Variants in RPS6KC1 observed in about 807,000 individuals in gnomAD.
RPS6KC1 encodes ribosomal protein S6 kinase C1, also known as inactive ribosomal protein S6 kinase delta-1.
A neutral mutation model predicts 103.8 loss-of-function variants in RPS6KC1; 54 were observed. The ratio of observed to expected loss-of-function variants is 0.52; its 90% confidence interval spans 0.42 to 0.65. The LOEUF (loss-of-function observed/expected upper bound fraction) is 0.65, where lower values mean the gene tolerates loss of function less well. Ranked by LOEUF, RPS6KC1 falls within the 30% of genes least tolerant of loss-of-function variation. The pLI is 0.00. For synonymous variants in RPS6KC1, 439 were observed against 438.7 expected, an observed-to-expected ratio of 1.00 and a Z score of -0.01; for missense variants, 1,151 against 1,253.8, an observed-to-expected ratio of 0.92 and a Z score of 1.24.
chr1:213,361,095 G>A, the RPS6KC1 span, among the ~76,000 whole-genome samples: 1 of 152,198 alleles, frequency 6.6e-6, no homozygotes, highest in Admixed American at 6.5e-5. Flanking sequence ...TGTCAGACAG[G>A]GACATTTAAG....
intron 3 of RPS6KC1, among the ~76,000 whole-genome samples, chr1:213,082,446 A>G (rs920649406): frequency 7.3e-6 from 1 of 136,604 alleles, no homozygotes; most frequent in African/African-American, 2.5e-5. Flanking sequence ...AATAAATAAT[A>G]AAAAAAAGTA....
At chr1:213,639,265 G>T in the RPS6KC1 span, among the ~76,000 whole-genome samples, 1 of 152,012 alleles carries the variant, frequency 6.6e-6, no homozygotes, top group African/African-American at 2.4e-5. Context: ...TTCTATGCAG[G>T]TGATCATGTC....
chr1:213,568,372 C>T, the RPS6KC1 span, among the ~76,000 whole-genome samples: 2 of 152,142 alleles, frequency 1.3e-5, no homozygotes, highest in Non-Finnish European at 2.9e-5. Flanking sequence ...CCTCTGGTTT[C>T]CAGATTTCCC....
chr1:213,128,310 G>A (rs747549877), intron 5 of RPS6KC1, among the ~76,000 whole-genome samples: 87 of 152,086 alleles, frequency 5.7e-4, no homozygotes, highest in Middle Eastern at 3.2e-3. Flanking sequence ...GGAAAATATA[G>A]TTATTTTTCA....
intron 3 of RPS6KC1, among the ~76,000 whole-genome samples, chr1:213,088,198 C>A (rs2080603618): frequency 6.6e-6 from 1 of 152,058 alleles, no homozygotes; most frequent in South Asian, 2.1e-4. Context: ...ACTTTTTTTC[C>A]ATCCAATGGC....
chr1:213,319,922 G>A, the RPS6KC1 span, among the ~76,000 whole-genome samples: 2 of 152,338 alleles, frequency 1.3e-5, no homozygotes, highest in East Asian at 3.9e-4. Flanking sequence ...GCAGTGTATA[G>A]CCAAAGGTCC....
chr1:213,198,828 A>G (rs1182903994), intron 8 of RPS6KC1, among the ~76,000 whole-genome samples: 4 of 152,198 alleles, frequency 2.6e-5, no homozygotes, highest in Admixed American at 2.0e-4. Context: ...GAATACTTCT[A>G]ACTCATTATA....
intron 3 of RPS6KC1, among the ~76,000 whole-genome samples, chr1:213,097,652 G>A (rs1016638117): frequency 1.2e-4 from 19 of 152,212 alleles, no homozygotes; most frequent in Non-Finnish European, 2.8e-4. Context: ...GAAAGTGTTG[G>A]ATAGCATTTT....
the RPS6KC1 span, among the ~76,000 whole-genome samples, chr1:213,326,189 T>G: frequency 1.4e-5 from 2 of 146,790 alleles, no homozygotes; most frequent in Non-Finnish European, 3.0e-5. Flanking sequence ...GTCAACAAGA[T>G]GAAATAAATA....
chr1:213,587,002 C>T, the RPS6KC1 span, among the ~76,000 whole-genome samples: 4 of 152,220 alleles, frequency 2.6e-5, no homozygotes, highest in Non-Finnish European at 5.9e-5. Flanking sequence ...GGGTGACTCA[C>T]TTCCAAGTGA....
the RPS6KC1 span, among the ~76,000 whole-genome samples, chr1:213,772,756 G>A: frequency 6.6e-6 from 1 of 152,136 alleles, no homozygotes; most frequent in Non-Finnish European, 1.5e-5. Flanking sequence ...GCAGGGCTCC[G>A]GGACATCTTC....
At chr1:213,472,669 C>T in the RPS6KC1 span, among the ~76,000 whole-genome samples, 86 of 152,152 alleles carry the variant, frequency 5.7e-4, no homozygotes, top group African/African-American at 2.0e-3. Flanking sequence ...CTTGGAGCAC[C>T]CATGTAGAGC....
the RPS6KC1 span, among the ~76,000 whole-genome samples, chr1:213,710,651 A>G: frequency 6.6e-6 from 1 of 152,062 alleles, no homozygotes; most frequent in Non-Finnish European, 1.5e-5. Context: ...AGTGGCTGGT[A>G]CCGGTTTTTC....
At chr1:213,191,819 C>CT (rs538198422) in intron 8 of RPS6KC1, among the ~76,000 whole-genome samples, 41 of 151,470 alleles carry the variant, frequency 2.7e-4, no homozygotes, top group South Asian at 8.4e-4. Context: ...GTTTTTTCTT[C>CT]TTTTTTTTGA....
chr1:213,337,860 T>C, the RPS6KC1 span, among the ~76,000 whole-genome samples: 510 of 152,260 alleles, frequency 3.3e-3, 5 homozygotes, highest in African/African-American at 0.012. Context: ...AGGAGAGATA[T>C]GCAAGAAGCA....
At chr1:213,403,135 A>C in the RPS6KC1 span, among the ~76,000 whole-genome samples, 1 of 152,116 alleles carries the variant, frequency 6.6e-6, no homozygotes, top group African/African-American at 2.4e-5. Flanking sequence ...CTCAAAAAAA[A>C]ATACACTTTT....
the RPS6KC1 span, among the ~76,000 whole-genome samples, chr1:213,343,432 TATATATATAC>T: frequency 1.6e-4 from 11 of 67,616 alleles, no homozygotes; most frequent in Admixed American, 3.9e-4. Flanking sequence ...TATATATATA[TATATATATAC>T]ATACCATGGA....
chr1:213,293,790 A>G, the RPS6KC1 span, among the ~76,000 whole-genome samples: 1 of 152,154 alleles, frequency 6.6e-6, no homozygotes, highest in African/African-American at 2.4e-5. Flanking sequence ...AATTTTAAAG[A>G]TCTTGGAAAT....
chr1:213,493,480 C>T, the RPS6KC1 span, among the ~76,000 whole-genome samples: 7 of 152,096 alleles, frequency 4.6e-5, no homozygotes, highest in East Asian at 1.9e-4. Flanking sequence ...TGAAGTGAAG[C>T]GATACTGACC....
Sources: gnomAD v4.1 joint callset for allele counts (sites outside exome capture counted in the v4.1 genomes callset) on GRCh38, gnomAD v4.1.1 for gene constraint, MANE v1.5 for transcripts, NCBI Gene and HGNC (gene_info 2026-07-23, HGNC 2026-07-21) for gene names.